The following IQUB variants were observed in gnomAD, a reference collection of about 807,000 sequenced individuals.
IQUB encodes IQ motif and ubiquitin-like domain-containing protein.
Under a neutral mutation model 86.4 loss-of-function variants are expected in IQUB, and 86 were observed. That is an observed-to-expected ratio of 1.00 (90% CI 0.84 to 1.19). The LOEUF (loss-of-function observed/expected upper bound fraction) is 1.19. IQUB is among the 50% of genes most tolerant of loss of function. IQUB has a pLI of 0.00. For synonymous variants in IQUB, 289 were observed against 304.5 expected (o/e 0.95, Z 0.53); for missense variants, 946 against 916.9 (o/e 1.03, Z -0.41).
At chr7:123,527,503 T>C (rs1193461451) in intron 1 of IQUB, among the ~76,000 whole-genome samples, 1 of 152,228 alleles carries the variant, frequency 6.6e-6, no homozygotes, top group East Asian at 1.9e-4. Flanking sequence ...GGTGTGGATG[T>C]CCTTTCTGTT....
chr7:123,465,392 A>G (rs1256469235), intron 9 of IQUB, among the ~76,000 whole-genome samples: 1 of 152,044 alleles, frequency 6.6e-6, no homozygotes. Flanking sequence ...CATGAAAGTC[A>G]GTATGATAGT....
In IQUB at chr7:123,496,700, T is replaced by C. The variant is rs550970931; in HGVS notation, c.1230A>G (p.Leu410=). ...NEDFEFLYNA[L]EFWRQEELTR... is the part of the protein sequence containing the mutation. ...CAAAGCCTGTGTCCAACTTACATTC[T>C]AATGCATTATAAAGAAATTCAAAAT... is the stretch of plus-strand genomic sequence containing the variant. The change falls in exon 7 of 13, where the codon TTA becomes TTG. Residue 410 remains leucine, a synonymous_variant. Coordinates refer to ENST00000324698, the MANE Select transcript of IQUB (RefSeq NM_178827.5). 1.4e-5 allele frequency: 22 copies of C among 1,582,476 alleles called. No individual in the cohort carries two copies. The highest frequency in any genetic ancestry group is 1.8e-5 in the Non-Finnish European group (21 of 1,158,412).
intron 1 of IQUB, among the ~76,000 whole-genome samples, chr7:123,525,131 A>G (rs1014939277): frequency 2.6e-5 from 4 of 152,168 alleles, no homozygotes; most frequent in Non-Finnish European, 5.9e-5. Flanking sequence ...TTTTGCATCA[A>G]TGTTCATCAA....
chr7:123,478,928 G>A (rs1296394999), intron 8 of IQUB, among the ~76,000 whole-genome samples: 2 of 152,208 alleles, frequency 1.3e-5, no homozygotes, highest in East Asian at 3.9e-4. Flanking sequence ...TGATGTAGAA[G>A]CTCCTTAAAG....
chr7:123,523,681 T>C (rs1797026144), intron 1 of IQUB, among the ~76,000 whole-genome samples: 1 of 151,968 alleles, frequency 6.6e-6, no homozygotes, highest in Non-Finnish European at 1.5e-5. Flanking sequence ...GTAGTTTCTT[T>C]TGCTGTGCAG....
chr7:123,462,805 A>G (rs747964901), intron 10 of IQUB: 1 of 455,274 alleles, frequency 2.2e-6, no homozygotes, highest in Non-Finnish European at 4.4e-6. Context: ...ATTTACTATA[A>G]TGCCATGGAA....
intron 8 of IQUB, among the ~76,000 whole-genome samples, chr7:123,473,653 G>A (rs1362542553): frequency 6.6e-6 from 1 of 151,876 alleles, no homozygotes; most frequent in Non-Finnish European, 1.5e-5. Context: ...TCGGCTCACT[G>A]CAGCTTCCAC....
chr7:123,520,349 T>C (rs1796846307), intron 1 of IQUB, among the ~76,000 whole-genome samples: 1 of 152,124 alleles, frequency 6.6e-6, no homozygotes, highest in Non-Finnish European at 1.5e-5. Flanking sequence ...ATAACTAAAT[T>C]AGTAAAATAT....
At chr7:123,466,897 C>T (rs750375857) in intron 9 of IQUB, among the ~76,000 whole-genome samples, 4 of 151,998 alleles carry the variant, frequency 2.6e-5, no homozygotes, top group Non-Finnish European at 5.9e-5. Flanking sequence ...ATGCAGTTAC[C>T]TAATCCATTG....
chr7:123,474,335 C>G (rs1794661016), intron 8 of IQUB, among the ~76,000 whole-genome samples: 1 of 152,026 alleles, frequency 6.6e-6, no homozygotes, highest in African/African-American at 2.4e-5. Context: ...TGTCTACTTG[C>G]AGGGATTAAT....
At position 123,491,274 on chromosome 7, in the gene IQUB, C is replaced by G. The variant is rs1278275889; in HGVS notation, c.1234+5422G>C. Among the ~76,000 whole-genome samples the G allele has an allele frequency of 5.3e-5, 8 of 152,186 alleles. No homozygotes were observed. In the East Asian group the frequency reaches 1.5e-3, roughly 29 times the overall value. ...CCTATAATTAGGAAAGAAGAAAGGT[C>G]TCAAATCAAATGACCTCAGCTTCCA... On this transcript the variant is annotated intron_variant, in intron 7 of 12. Transcript: ENST00000324698.
intron 1 of IQUB, among the ~76,000 whole-genome samples, chr7:123,516,047 G>A (rs1453369024): frequency 2.0e-5 from 3 of 152,176 alleles, no homozygotes; most frequent in Non-Finnish European, 4.4e-5. Context: ...AGACTAAAGA[G>A]GGCAAATTTT....
In IQUB at chr7:123,463,929, A is replaced by ACTT. The variant is rs532865825; in HGVS notation, c.1758+901_1758+903dup. On this transcript the variant is annotated intron_variant, in intron 10 of 12. Transcript: ENST00000324698. ...TTGAGTAAGAAATAATATAATGGGA[A>ACTT]CTTTTTCCCTTGGACTTTTGTTATA... is the stretch of plus-strand genomic sequence containing the variant. Among the ~76,000 whole-genome samples the ACTT allele has an allele frequency of 2.0e-5, 3 of 151,842 alleles. No individual in the cohort carries two copies. In the East Asian group the frequency reaches 5.8e-4, roughly 29 times the overall value.
At chr7:123,510,762 C>T (rs10250681) in intron 2 of IQUB, among the ~76,000 whole-genome samples, 36,843 of 151,882 alleles carry the variant, frequency 0.24, 4,902 homozygotes, top group East Asian at 0.33. Context: ...ATTGGTAATG[C>T]GAAGGTTCTT....
At chr7:123,510,700 G>A (rs1031868081) in intron 2 of IQUB, among the ~76,000 whole-genome samples, 13 of 152,076 alleles carry the variant, frequency 8.5e-5, no homozygotes, top group South Asian at 6.2e-4. Flanking sequence ...TACAGTTTTC[G>A]TAAAGCTAAA....
chr7:123,463,230 G>T (rs1794086238), intron 10 of IQUB, among the ~76,000 whole-genome samples: 1 of 151,536 alleles, frequency 6.6e-6, no homozygotes, highest in African/African-American at 2.4e-5. Flanking sequence ...AAAAATGCTT[G>T]GTTGTCTCTT....
At chr7:123,466,469 C>T (rs764893736) in intron 9 of IQUB, among the ~76,000 whole-genome samples, 4 of 152,072 alleles carry the variant, frequency 2.6e-5, no homozygotes, top group Non-Finnish European at 5.9e-5. Flanking sequence ...TTGCTTCTCC[C>T]TCCCTACCTA....
chr7:123,460,471 A>G (rs997347790), intron 11 of IQUB, among the ~76,000 whole-genome samples: 7 of 151,900 alleles, frequency 4.6e-5, no homozygotes, highest in Non-Finnish European at 1.0e-4. Flanking sequence ...ATTTGGTATT[A>G]AATACAATTT....
chr7:123,477,042 C>A (rs1456474727), intron 8 of IQUB, among the ~76,000 whole-genome samples: 10 of 152,094 alleles, frequency 6.6e-5, no homozygotes, highest in Admixed American at 5.9e-4. Flanking sequence ...AATGCCATCC[C>A]CATCAAGCTA....
Sources: allele counts gnomAD v4.1 joint callset (sites outside exome capture counted in the v4.1 genomes callset), GRCh38; gene constraint gnomAD v4.1.1; transcripts MANE v1.5; gene names NCBI Gene and HGNC (gene_info 2026-07-23, HGNC 2026-07-21).